Variants in ZC3H4 observed in about 807,000 individuals in gnomAD.
The protein encoded by ZC3H4 is zinc finger CCCH domain-containing protein 4.
In ZC3H4, 13 loss-of-function variants were observed where a neutral mutation model predicts 108.3. The ratio of observed to expected loss-of-function variants is 0.12; its 90% confidence interval spans 0.08 to 0.19. The LOEUF is 0.19. ZC3H4 is among the 10% of genes least tolerant of loss of function. The pLI is 1.00. For missense variants in ZC3H4, 1,734 were observed against 1,838.8 expected, an observed-to-expected ratio of 0.94 and a Z score of 1.04; for synonymous variants, 917 against 749.6, an observed-to-expected ratio of 1.22 and a Z score of -3.65.
intron 11 of ZC3H4, among the ~76,000 whole-genome samples, chr19:47,077,877 AAAG>A (rs1477774020): frequency 3.9e-5 from 6 of 152,132 alleles, no homozygotes; most frequent in African/African-American, 1.2e-4. Flanking sequence ...AAAAAAAAAA[AAAG>A]AAGGTATGGA....
At position 47,066,047 on chromosome 19, in the gene ZC3H4, C is replaced by G. The variant is rs189205686; in HGVS notation, c.*309G>C. ...CTGGGCCTCCAGCAAGGCCCGGCCA[C>G]GCAGAGCCCACAGAGTCTGAGGCCA... On this transcript the variant is annotated 3_prime_UTR_variant, in exon 15 of 15. Coordinates refer to ENST00000253048, the MANE Select transcript of ZC3H4 (RefSeq NM_015168.2). The G allele has an allele frequency of 6.6e-5, 17 of 256,272 alleles. No homozygotes were observed. Among genetic ancestry groups the G allele is most frequent in the Admixed American group, 3.6e-4 (7 of 19,606 alleles). The allele number at this position is 256,272 out of a possible 1,614,324, so 15.9% of individuals were successfully genotyped here.
intron 2 of ZC3H4, among the ~76,000 whole-genome samples, chr19:47,100,780 C>G (rs1212180284): frequency 6.6e-6 from 1 of 152,086 alleles, no homozygotes; most frequent in South Asian, 2.1e-4. Flanking sequence ...CTCACTGCAA[C>G]CTTCGCCTCC....
intron 6 of ZC3H4, among the ~76,000 whole-genome samples, chr19:47,085,759 G>C (rs1053095744): frequency 1.6e-4 from 25 of 152,174 alleles, no homozygotes; most frequent in Non-Finnish European, 2.2e-4. Context: ...TCCTGGGTCG[G>C]GACAGGGATG....
intron 11 of ZC3H4, among the ~76,000 whole-genome samples, chr19:47,076,616 G>C (rs946477146): frequency 3.3e-5 from 5 of 151,804 alleles, no homozygotes; most frequent in Admixed American, 2.0e-4. Flanking sequence ...AGCACTTTGG[G>C]AGGACGAGGT....
At chr19:47,089,204 CAAAAAAAAAAAAAA>C (rs888647856) in intron 5 of ZC3H4, among the ~76,000 whole-genome samples, 1 of 26,840 alleles carries the variant, frequency 3.7e-5, no homozygotes, top group Non-Finnish European at 7.4e-5. Context: ...GACTCCGTCT[CAAAAAAAAAAAAAA>C]AAAAAAAAAA....
intron 2 of ZC3H4, among the ~76,000 whole-genome samples, chr19:47,099,371 A>T (rs1197940062): frequency 6.6e-6 from 1 of 152,018 alleles, no homozygotes; most frequent in Non-Finnish European, 1.5e-5. Flanking sequence ...AGGCAGGAGA[A>T]TCACTTGAAC....
chr19:47,091,667 C>T (rs2057732988), intron 4 of ZC3H4, among the ~76,000 whole-genome samples: 1 of 151,656 alleles, frequency 6.6e-6, no homozygotes, highest in Non-Finnish European at 1.5e-5. Context: ...GCAGGCAGAT[C>T]ACAAAGTCAG....
At chr19:47,084,575 C>A in intron 8 of ZC3H4, 120 bp from the exon 9 acceptor site, 1 of 931,216 alleles carries the variant, frequency 1.1e-6, no homozygotes. Flanking sequence ...CACAAGAGCA[C>A]CGATGGGCAG....
intron 2 of ZC3H4, among the ~76,000 whole-genome samples, chr19:47,095,240 G>A (rs60906766): frequency 6.2e-4 from 95 of 152,290 alleles, no homozygotes; most frequent in African/African-American, 2.2e-3. Context: ...AAGCTACCTG[G>A]GACCCACCCA....
rs1164790504 is a variant in ZC3H4 at position 47,090,159 on chromosome 19, T to C, written c.523A>G (p.Thr175Ala). 2 of 1,614,128 alleles carry C rather than the reference T, an allele frequency of 1.2e-6. No individual in the cohort carries two copies. Among genetic ancestry groups the C allele is most frequent in the Admixed American group, 1.7e-5 (1 of 60,022 alleles). ...SHQQYPPSHATPLPKKAYSKM... is the reference protein window; with the variant it reads ...SHQQYPPSHAAPLPKKAYSKM... Reference sequence around the variant, plus strand: ...GAGTATGCCTTCTTGGGCAGGGGCGTGGCATGCGATGGGGGGTACTGCTGG... The same window carrying C: ...GAGTATGCCTTCTTGGGCAGGGGCGCGGCATGCGATGGGGGGTACTGCTGG... Residue 175 changes from threonine (T) to alanine (A), a missense_variant, in exon 5 of 15, where the codon ACG becomes GCG. Physicochemically the swap from Thr to Ala is moderately conservative, Grantham distance 58. Coordinates refer to ENST00000253048, the MANE Select transcript of ZC3H4 (RefSeq NM_015168.2).
intron 2 of ZC3H4, among the ~76,000 whole-genome samples, chr19:47,105,966 G>A (rs4804025): frequency 0.52 from 79,499 of 151,984 alleles, 24,498 homozygotes; most frequent in Non-Finnish European, 0.71. Flanking sequence ...CAGCCACCCC[G>A]GGTTCTAACT....
chr19:47,068,642 G>A lies in ZC3H4; in HGVS notation c.2398+450C>T, dbSNP rs1032547585. ...ACACCACTTGTCATTTTACCCCAAAGTGGACACCACTAAGTCAACCATGCA... is the reference window on the plus strand; with the variant it reads ...ACACCACTTGTCATTTTACCCCAAAATGGACACCACTAAGTCAACCATGCA... On this transcript the variant is annotated intron_variant, in intron 14 of 14. Transcript: ENST00000253048. Among the ~76,000 whole-genome samples the A allele has an allele frequency of 7.2e-5, 11 of 152,204 alleles. No individual in the cohort carries two copies. In the South Asian group the frequency reaches 2.3e-3, roughly 31 times the overall value.
rs1014481127 is a variant in ZC3H4, at chr19:47,071,979, G to T, written c.1945C>A (p.His649Asn). 6.2e-7 allele frequency: 1 copy of T among 1,605,982 alleles called. No individual in the cohort carries two copies. Among genetic ancestry groups the T allele is most frequent in the Admixed American group, 1.7e-5 (1 of 58,292 alleles). The change falls in exon 13 of 15, where the codon CAC (histidine) becomes AAC (asparagine). Residue 649 changes from histidine to asparagine, a missense_variant. Physicochemically the swap from His to Asn is moderately conservative, Grantham distance 68 (BLOSUM62 1). Around this residue, in one of 9 missense-constraint regions of ZC3H4, gnomAD observed 540 missense variants for 484.1 expected, o/e 1.12. Transcript: ENST00000253048. ...CCAGGGCCCATCGGCATGTCTGCGT[G>T]CATGTCTGCGTGCATGTCAGGGTGC... ...DMHPDMHADMHADMPMGPGMN... is the reference protein window; with the variant it reads ...DMHPDMHADMNADMPMGPGMN...
chr19:47,083,147 C>T (rs1042486760), intron 9 of ZC3H4, among the ~76,000 whole-genome samples: 1 of 151,550 alleles, frequency 6.6e-6, no homozygotes, highest in African/African-American at 2.4e-5. Context: ...CAGGTTCAAG[C>T]GATTCTCCTG....
chr19:47,097,989 G>A (rs917578455), intron 2 of ZC3H4, among the ~76,000 whole-genome samples: 1 of 152,298 alleles, frequency 6.6e-6, no homozygotes, highest in African/African-American at 2.4e-5. Context: ...GAGGAAATGG[G>A]AAGAGGCCAA....
In ZC3H4 at chr19:47,066,222, C is replaced by T. The variant is rs746325283; in HGVS notation, c.*134G>A. On this transcript the variant is annotated 3_prime_UTR_variant, in exon 15 of 15. Coordinates refer to ENST00000253048, the MANE Select transcript of ZC3H4 (RefSeq NM_015168.2). ...CTACTTTAAAAAAAAATAAAAGAGACGGAAAGCAAAAGAAAAAGAAAAGAA... is the reference window on the plus strand; with the variant it reads ...CTACTTTAAAAAAAAATAAAAGAGATGGAAAGCAAAAGAAAAAGAAAAGAA... 1,175 of 651,602 alleles carry T rather than the reference C, an allele frequency of 1.8e-3. 2 individuals carry two copies. The highest frequency in any genetic ancestry group is 1.9e-3 in the Non-Finnish European group (775 of 417,062). 40.4% of individuals were successfully genotyped at this position (651,602 alleles called of 1,614,324 possible).
chr19:47,112,302 T>TTCCTCCTCCTCCTCCTCC (rs371203061), intron 2 of ZC3H4, 122 bp downstream of exon 2: 2 of 1,051,826 alleles, frequency 1.9e-6, no homozygotes, highest in South Asian at 4.7e-5. Context: ...GACCCCGCCC[T>TTCCTCCTCCTCCTCCTCC]TCCTCCTCCT....
At position 47,087,297 on chromosome 19, in the gene ZC3H4, C is replaced by CACA. The variant is rs368717305; in HGVS notation, c.716-760_716-759insTGT. Among the ~76,000 whole-genome samples the CACA allele has an allele frequency of 3.2e-3, 470 of 146,572 alleles. 3 individuals are homozygous for CACA. The highest frequency in any genetic ancestry group is 0.01 in the Middle Eastern group (3 of 292). ...TCTCTCACACACACACACACACACACAAAAAAAAACCCAAATGAGAAAGAA... is the reference window on the plus strand; with the variant it reads ...TCTCTCACACACACACACACACACACACAAAAAAAAAACCCAAATGAGAAAGAA... On this transcript the variant is annotated intron_variant, in intron 5 of 14. Transcript: ENST00000253048.
chr19:47,067,671 C>A lies in ZC3H4; in HGVS notation c.2597G>T (p.Arg866Leu). Residue 866 changes from arginine (R) to leucine (L), a missense_variant, in exon 15 of 15, where the codon CGG becomes CTG. By Grantham distance (102) the Arg-to-Leu change is moderately radical (BLOSUM62 -2). Transcript: ENST00000253048. The surrounding 1 kb of genome is among the most constrained non-coding windows in gnomAD (Gnocchi z 6.4). ...GSRLADPRLS[R>L]DPRLTRHVEA... ...CACATGGCGGGTGAGTCTGGGGTCC[C>A]GGCTGAGGCGAGGGTCAGCCAGCCG... is the stretch of plus-strand genomic sequence containing the variant. 6.3e-7 allele frequency: 1 copy of A among 1,599,760 alleles called. No homozygotes were observed. Among genetic ancestry groups the A allele is most frequent in the Non-Finnish European group, 8.5e-7 (1 of 1,175,372 alleles).
Sources: allele counts gnomAD v4.1 joint callset (sites outside exome capture counted in the v4.1 genomes callset), GRCh38; gene constraint gnomAD v4.1.1; regional missense constraint gnomAD v4.1.1; non-coding constraint Gnocchi (gnomAD v3.1); transcripts MANE v1.5; gene names NCBI Gene and HGNC (gene_info 2026-07-23, HGNC 2026-07-21).